The following RBM25 variants were observed in gnomAD, a reference collection of about 807,000 sequenced individuals.
RBM25 encodes the protein RNA-binding protein 25.
RBM25 carries 19 observed loss-of-function variants against 120.7 expected under a neutral mutation model. The observed-to-expected ratio is 0.16, with a 90% CI of 0.11 to 0.23. The LOEUF (loss-of-function observed/expected upper bound fraction) is 0.23. Among genes scored for constraint, RBM25 ranks in the 10% least tolerant of loss-of-function variants. The pLI, the probability that RBM25 is intolerant of heterozygous loss-of-function variation, is 1.00. For synonymous variants in RBM25, 390 were observed against 326.7 expected, an observed-to-expected ratio of 1.19 and a Z score of -2.09; for missense variants, 605 against 1,041.5, an observed-to-expected ratio of 0.58 and a Z score of 5.77.
intron 6 of RBM25, among the ~76,000 whole-genome samples, chr14:73,088,995 A>T (rs1895749782): frequency 6.6e-6 from 1 of 152,132 alleles, no homozygotes; most frequent in East Asian, 1.9e-4. Flanking sequence ...ACAAAAAATT[A>T]GCCTAGCGTT....
At chr14:73,061,429 A>G (rs368280269) in intron 1 of RBM25, among the ~76,000 whole-genome samples, 2 of 151,390 alleles carry the variant, frequency 1.3e-5, no homozygotes, top group Non-Finnish European at 1.5e-5. Flanking sequence ...GCACAATTCA[A>G]TGATTTTTGG....
At chr14:73,119,576 C>T (rs759127699) in intron 18 of RBM25, 137 bp from the exon 19 acceptor site, 1 of 1,475,372 alleles carries the variant, frequency 6.8e-7, no homozygotes, top group Admixed American at 2.5e-5. Flanking sequence ...CTAAAACAAC[C>T]TTAAAATCTT....
At chr14:73,093,954 T>TTTG (rs2096447251) in intron 6 of RBM25, among the ~76,000 whole-genome samples, 1 of 148,248 alleles carries the variant, frequency 6.7e-6, no homozygotes, top group Admixed American at 6.7e-5. Context: ...TTTTGTTTTT[T>TTTG]TTTTTTTTTT....
In RBM25 at chr14:73,068,549, C is replaced by A. The variant is rs1015990185; in HGVS notation, c.-15-3078C>A. 224 of 680,692 alleles carry A rather than the reference C, an allele frequency of 3.3e-4. 3 individuals carry two copies. In the Admixed American group the frequency reaches 4.2e-3, roughly 13 times the overall value. The allele number at this position is 680,692 out of a possible 1,614,324, so 42.2% of individuals were successfully genotyped here. A position where few individuals can be genotyped will look rare whatever the true frequency, so the allele number is the denominator to read the frequency against. ...TGGTTTTAACATTAGATGACCAATT[C>A]TTTGGCACTGATGTGCTTTTGCCAG... On this transcript the variant is annotated intron_variant, in intron 1 of 18. Coordinates refer to ENST00000261973, the MANE Select transcript of RBM25 (RefSeq NM_021239.3).
intron 1 of RBM25, among the ~76,000 whole-genome samples, chr14:73,060,853 T>C (rs1265373333): frequency 6.6e-6 from 1 of 151,430 alleles, no homozygotes; most frequent in Non-Finnish European, 1.5e-5. Flanking sequence ...CTTCTCTTCA[T>C]AGGTTTCTTC....
At chr14:73,103,924 TCTCTCTCTCTCTCTCTCTCTCTCTCACA>T (rs1334153578) in intron 10 of RBM25, among the ~76,000 whole-genome samples, 5 of 55,938 alleles carry the variant, frequency 8.9e-5, no homozygotes, top group African/African-American at 4.4e-4. Context: ...TCTCTCTCTC[TCTCTCTCTCTCTCTCTCTCTCTCTCACA>T]CACACACACA....
Position 73,090,061 on chromosome 14 carries a change from C to CT in RBM25, c.543+1909dup, listed in dbSNP as rs897024240. ...TCTTACAGAAAAAAGTACCCCCCCT[C>CT]TTTTTTTTTGATGCAGTCTCGCTTT... On this transcript the variant is annotated intron_variant, in intron 6 of 18. Transcript: ENST00000261973. Among the ~76,000 whole-genome samples, 36 of 149,978 alleles carry CT rather than the reference C, an allele frequency of 2.4e-4. 1 individual carries two copies. Among genetic ancestry groups the CT allele is most frequent in the Non-Finnish European group, 3.9e-4 (26 of 67,338 alleles).
rs1896533371 is a variant in RBM25 at position 73,121,113 on chromosome 14, G to A, written c.*1308G>A. On this transcript the variant is annotated 3_prime_UTR_variant, in exon 19 of 19. Coordinates refer to ENST00000261973, the MANE Select transcript of RBM25 (RefSeq NM_021239.3). The stretch of plus-strand genomic sequence containing the variant: ...CTTTTCACACAAATTAGATGCAACT[G>A]TTCCCATGTCTGAGTACTTATTTAA... The A allele has an allele frequency of 1.3e-5, 2 of 152,274 alleles. No homozygotes were observed. Among genetic ancestry groups the A allele is most frequent in the Admixed American group, 1.3e-4 (2 of 15,226 alleles). 9.4% of individuals were successfully genotyped at this position (152,274 alleles called of 1,614,324 possible). A position where few individuals can be genotyped will look rare whatever the true frequency, so the allele number is the denominator to read the frequency against.
chr14:73,091,184 TAAGG>T (rs1415990762), intron 6 of RBM25, among the ~76,000 whole-genome samples: 3 of 152,212 alleles, frequency 2.0e-5, no homozygotes, highest in Non-Finnish European at 2.9e-5. Flanking sequence ...TTTTTATAAA[TAAGG>T]AAGTGCACAA....
At chr14:73,103,944 TCTCTCACACACACACACACACA>T (rs1896118070) in intron 10 of RBM25, among the ~76,000 whole-genome samples, 1 of 42,530 alleles carries the variant, frequency 2.4e-5, no homozygotes, top group African/African-American at 1.2e-4. Flanking sequence ...TCTCTCTCTC[TCTCTCACACACACACACACACA>T]CACACACACA....
At chr14:73,108,175 A>G (rs1217144917) in intron 13 of RBM25, among the ~76,000 whole-genome samples, 1 of 152,176 alleles carries the variant, frequency 6.6e-6, no homozygotes, top group Non-Finnish European at 1.5e-5. Context: ...TGTTGTAAAT[A>G]GGTCTGATTT....
intron 18 of RBM25, among the ~76,000 whole-genome samples, chr14:73,114,994 C>G (rs1217518387): frequency 1.3e-5 from 2 of 152,158 alleles, no homozygotes; most frequent in Non-Finnish European, 2.9e-5. Context: ...AACAAATGAC[C>G]TGTAGTAGCA....
chr14:73,105,662 G>A (rs1206454966), intron 10 of RBM25, among the ~76,000 whole-genome samples, 197 bp from the exon 11 acceptor site: 2 of 152,172 alleles, frequency 1.3e-5, no homozygotes, highest in Admixed American at 1.3e-4. Flanking sequence ...GTATTAGAAT[G>A]CATTTTAGGA....
intron 3 of RBM25, 142 bp downstream of exon 3, chr14:73,076,510 T>G (rs1281444192): frequency 1.4e-6 from 1 of 720,236 alleles, no homozygotes; most frequent in Non-Finnish European, 2.3e-6. Flanking sequence ...GAGCATATCA[T>G]TTATTTGAAT....
intron 2 of RBM25, among the ~76,000 whole-genome samples, chr14:73,074,297 G>T (rs1895361092): frequency 6.6e-6 from 1 of 152,106 alleles, no homozygotes; most frequent in Admixed American, 6.6e-5. Context: ...ATAACTTAAT[G>T]TGGCCTCTAT....
At chr14:73,078,698 G>A (rs1057032868) in intron 4 of RBM25, among the ~76,000 whole-genome samples, 2 of 152,160 alleles carry the variant, frequency 1.3e-5, no homozygotes, top group Admixed American at 1.3e-4. Context: ...TCTGCCTCCT[G>A]TATTTAAGTG....
chr14:73,111,733 C>T lies in RBM25; in HGVS notation c.2223C>T (p.Leu741=). The T allele has an allele frequency of 1.9e-6, 3 of 1,613,994 alleles. No homozygotes were observed. The South Asian group carries it at 3.3e-5, about 18-fold the overall frequency. ...TEEKRKHIKS[L]IEKIPTAKPE... is the part of the protein sequence containing the mutation. ...AAAAGCGTAAACACATTAAGAGTCT[C>T]ATTGAGAAAATCCCTACAGCCAAAC... Residue 741 remains leucine, a synonymous_variant, in exon 16 of 19, where the codon CTC becomes CTT. Coordinates refer to ENST00000261973, the MANE Select transcript of RBM25 (RefSeq NM_021239.3).
At chr14:73,060,267 G>T (rs1436640782) in intron 1 of RBM25, among the ~76,000 whole-genome samples, 1 of 151,370 alleles carries the variant, frequency 6.6e-6, no homozygotes, top group Non-Finnish European at 1.5e-5. Flanking sequence ...TCGATTTCCT[G>T]ACCTCGTGAT....
At chr14:73,078,981 C>T (rs1052373718) in intron 4 of RBM25, among the ~76,000 whole-genome samples, 2 of 152,162 alleles carry the variant, frequency 1.3e-5, no homozygotes, top group African/African-American at 4.8e-5. Flanking sequence ...TGATGATTGA[C>T]TGATTCCTTT....
Sources: gnomAD v4.1 joint callset for allele counts (sites outside exome capture counted in the v4.1 genomes callset) on GRCh38, gnomAD v4.1.1 for gene constraint, MANE v1.5 for transcripts, NCBI Gene and HGNC (gene_info 2026-07-23, HGNC 2026-07-21) for gene names.